ANK1: variants seen among roughly 807,000 people sequenced by gnomAD.
ANK1 encodes the protein ankyrin 1, also known as ankyrin-1.
A neutral mutation model predicts 210.4 loss-of-function variants in ANK1; 51 were observed. The ratio of observed to expected loss-of-function variants is 0.24; its 90% CI spans 0.19 to 0.31. ANK1 has a LOEUF of 0.31. Ranked by LOEUF, ANK1 falls within the 10% of genes least tolerant of loss-of-function variation. The pLI, the probability that ANK1 is intolerant of heterozygous loss-of-function variation, is 1.00. For synonymous variants in ANK1, 967 were observed against 1,025.9 expected, an observed-to-expected ratio of 0.94 and a Z score of 1.10; for missense variants, 2,051 against 2,504.4, an observed-to-expected ratio of 0.82 and a Z score of 3.86.
intron 2 of ANK1, 68 bp from the exon 3 acceptor site, chr8:41,734,137 G>A (rs1012526688): frequency 7.4e-7 from 1 of 1,349,142 alleles, no homozygotes; most frequent in Non-Finnish European, 1.1e-6. Flanking sequence ...TCCCAGTGGG[G>A]GCCCAGGCCC....
chr8:41,683,477 T>G (rs1264188861), intron 37 of ANK1, among the ~76,000 whole-genome samples: 4 of 152,132 alleles, frequency 2.6e-5, no homozygotes, highest in Non-Finnish European at 5.9e-5. Flanking sequence ...GCCCCCAAAC[T>G]GTGTACCCAG....
intron 1 of ANK1, among the ~76,000 whole-genome samples, chr8:41,793,901 G>A (rs1264933553): frequency 3.3e-5 from 5 of 152,118 alleles, no homozygotes; most frequent in African/African-American, 1.2e-4. Context: ...AAGAGAGAGG[G>A]GGATTATTAA....
chr8:41,831,825 C>T (rs1034592833), intron 1 of ANK1, among the ~76,000 whole-genome samples: 1 of 152,150 alleles, frequency 6.6e-6, no homozygotes, highest in African/African-American at 2.4e-5. Flanking sequence ...ATAGACCAAC[C>T]GCAGCACCTC....
intron 1 of ANK1, among the ~76,000 whole-genome samples, chr8:41,834,556 C>T (rs10109347): frequency 0.46 from 69,816 of 152,120 alleles, 16,935 homozygotes; most frequent in East Asian, 0.82. Context: ...CCTGGCCTCT[C>T]CGCAGCGTTT....
At position 41,727,235 on chromosome 8, in the gene ANK1, T is replaced by C; in HGVS notation, c.426+15A>G. The C allele has an allele frequency of 6.2e-7, 1 of 1,609,066 alleles. No homozygotes were observed. Among genetic ancestry groups the C allele is most frequent in the Non-Finnish European group, 8.5e-7 (1 of 1,175,376 alleles). ...GAGACTTCTGGTGGTGACGACATTT[T>C]TCCAAGGTACTTACTTCTGTGGCTA... On this transcript the variant is annotated intron_variant, in intron 5 of 42. Transcript: ENST00000289734.
intron 31 of ANK1, 97 bp downstream of exon 31, chr8:41,692,551 C>T: frequency 1.6e-6 from 2 of 1,238,682 alleles, no homozygotes; most frequent in Non-Finnish European, 2.3e-6. Context: ...CCCTCGTCTA[C>T]AGAGGGAGGA....
At chr8:41,733,243 G>A (rs1328508048) in intron 3 of ANK1, among the ~76,000 whole-genome samples, 1 of 152,152 alleles carries the variant, frequency 6.6e-6, no homozygotes, top group East Asian at 1.9e-4. Context: ...CATGCCAAAC[G>A]CCTCCTCATG....
At chr8:41,767,502 A>G (rs1842101842) in intron 1 of ANK1, among the ~76,000 whole-genome samples, 1 of 142,690 alleles carries the variant, frequency 7.0e-6, no homozygotes, top group African/African-American at 2.6e-5. Flanking sequence ...GGCGCCCTCC[A>G]CTCGCCCCGG....
intron 1 of ANK1, among the ~76,000 whole-genome samples, chr8:41,880,735 C>T (rs542306556): frequency 6.6e-6 from 1 of 152,342 alleles, no homozygotes; most frequent in South Asian, 2.1e-4. Context: ...TTTCCTTGCA[C>T]CAGGTCCCAG....
chr8:41,739,967 C>T (rs1401615367), intron 2 of ANK1, among the ~76,000 whole-genome samples: 1 of 151,982 alleles, frequency 6.6e-6, no homozygotes, highest in Non-Finnish European at 1.5e-5. Context: ...TCTCTTTTGT[C>T]GTGCTCCAGC....
chr8:41,765,837 C>T (rs1042862806), intron 1 of ANK1, among the ~76,000 whole-genome samples: 6 of 152,154 alleles, frequency 3.9e-5, no homozygotes, highest in African/African-American at 1.2e-4. Flanking sequence ...AGGGAGGGGC[C>T]GGAAGCACGC....
intron 9 of ANK1, among the ~76,000 whole-genome samples, chr8:41,720,187 T>C (rs1828893772): frequency 6.6e-6 from 1 of 152,242 alleles, no homozygotes. Context: ...ATTATATCCA[T>C]AGCTAACTTT....
rs750925672 is a variant in ANK1 at position 41,723,098 on chromosome 8, T to C, written c.909+27A>G. ...TGGACCTGGAGCCCTGTCTAGAAAA[T>C]GCGCCTGACAGGAAGGAAGTACACA... On this transcript the variant is annotated intron_variant, in intron 9 of 42. Transcript: ENST00000289734. The C allele has an allele frequency of 5.0e-6, 8 of 1,609,860 alleles. No homozygotes were observed. In the Admixed American group the frequency reaches 1.3e-4, roughly 27 times the overall value.
At chr8:41,769,982 T>TC (rs1214468332) in intron 1 of ANK1, among the ~76,000 whole-genome samples, 11 of 140,430 alleles carry the variant, frequency 7.8e-5, no homozygotes, top group Admixed American at 4.3e-4. Flanking sequence ...TTTTTCTTTT[T>TC]TTTTTTTTTT....
intron 37 of ANK1, among the ~76,000 whole-genome samples, chr8:41,682,589 G>A (rs1452105477): frequency 6.6e-6 from 1 of 152,202 alleles, no homozygotes; most frequent in African/African-American, 2.4e-5. Context: ...AGCAGACATG[G>A]AGTGCACAGG....
chr8:41,714,007 T>G, intron 16 of ANK1, 149 bp downstream of exon 16: 1 of 483,154 alleles, frequency 2.1e-6, no homozygotes, highest in Non-Finnish European at 3.3e-6. Flanking sequence ...GCAGGTAACA[T>G]GTGGGAAAGT....
intron 2 of ANK1, among the ~76,000 whole-genome samples, chr8:41,740,864 G>T (rs1834621224): frequency 6.6e-6 from 1 of 152,186 alleles, no homozygotes; most frequent in Admixed American, 6.5e-5. Context: ...CCTGGGGCCA[G>T]GCACTGCCTC....
intron 1 of ANK1, among the ~76,000 whole-genome samples, chr8:41,847,264 C>T (rs777332546): frequency 1.3e-5 from 2 of 152,202 alleles, no homozygotes; most frequent in Admixed American, 6.5e-5. Flanking sequence ...CAAGTGGACA[C>T]TTAGGGATGA....
At chr8:41,725,995 G>T in intron 5 of ANK1, 49 bp from the exon 6 acceptor site, 2 of 1,590,318 alleles carry the variant, frequency 1.3e-6, no homozygotes, top group South Asian at 1.1e-5. Flanking sequence ...GACGCCAGCC[G>T]CCCTTCACAC....
Sources: allele counts gnomAD v4.1 joint callset (sites outside exome capture counted in the v4.1 genomes callset), GRCh38; gene constraint gnomAD v4.1.1; transcripts MANE v1.5; gene names NCBI Gene and HGNC (gene_info 2026-07-23, HGNC 2026-07-21).